Variants in RAPH1 observed in about 807,000 individuals in gnomAD.
RAPH1 encodes the protein Ras association (RalGDS/AF-6) and pleckstrin homology domains 1, also known as ras-associated and pleckstrin homology domains-containing protein 1.
In RAPH1, 18 loss-of-function variants were observed where a neutral mutation model predicts 88.1. The observed-to-expected ratio is 0.20, with a 90% CI of 0.14 to 0.30. The LOEUF is 0.30. RAPH1 is among the 10% of genes least tolerant of loss of function. The pLI is 1.00. For synonymous variants in RAPH1, 587 were observed against 559.0 expected, an observed-to-expected ratio of 1.05 and a Z score of -0.71; for missense variants, 1,448 against 1,543.2, an observed-to-expected ratio of 0.94 and a Z score of 1.03.
At chr2:203,492,876 T>G (rs1688333791) in intron 2 of RAPH1, among the ~76,000 whole-genome samples, 1 of 152,174 alleles carries the variant, frequency 6.6e-6, no homozygotes, top group Non-Finnish European at 1.5e-5. Flanking sequence ...CTATGAACCC[T>G]CTTCCAGAAA....
chr2:203,506,856 CTA>C (rs1231672342), intron 1 of RAPH1, among the ~76,000 whole-genome samples: 549 of 30,760 alleles, frequency 0.018, 26 homozygotes, highest in South Asian at 0.028. Flanking sequence ...CTATCTATAT[CTA>C]TATATATATA....
Position 203,475,130 on chromosome 2 carries a change from G to A in RAPH1, c.733-13205C>T, listed in dbSNP as rs952708307. 2.6e-5 allele frequency among the ~76,000 whole-genome samples: 4 copies of A among 152,050 alleles called. No individual in the cohort carries two copies. The South Asian group carries it at 6.2e-4, about 24-fold the overall frequency. On this transcript the variant is annotated intron_variant, in intron 4 of 13. Coordinates refer to ENST00000319170, the MANE Select transcript of RAPH1 (RefSeq NM_213589.3). ...CATCTTAAAGAAATAAAATATGGCC[G>A]GGCGCAGTGACTCATGCCTGTAATC... is the stretch of plus-strand genomic sequence containing the variant.
intron 1 of RAPH1, among the ~76,000 whole-genome samples, chr2:203,523,163 G>A (rs1208622587): frequency 6.6e-6 from 1 of 152,112 alleles, no homozygotes; most frequent in African/African-American, 2.4e-5. Flanking sequence ...GGAGGCCGAG[G>A]CGGGCGGATC....
At chr2:203,517,359 C>CAAAAAAAA (rs71408943) in intron 1 of RAPH1, among the ~76,000 whole-genome samples, 22 of 32,128 alleles carry the variant, frequency 6.8e-4, no homozygotes, top group Non-Finnish European at 1.0e-3. Flanking sequence ...CTATGAGAGG[C>CAAAAAAAA]AAAAAAAAAA....
At chr2:203,488,790 C>T (rs960096705) in intron 4 of RAPH1, among the ~76,000 whole-genome samples, 1 of 151,848 alleles carries the variant, frequency 6.6e-6, no homozygotes, top group Admixed American at 6.6e-5. Flanking sequence ...TGATTCCATA[C>T]CTGGTGGCCC....
chr2:203,441,839 G>A (rs2098504532), intron 13 of RAPH1: 2 of 1,329,120 alleles, frequency 1.5e-6, no homozygotes, highest in East Asian at 3.1e-5. Context: ...GTCCATGACT[G>A]CATCCACATC....
intron 1 of RAPH1, among the ~76,000 whole-genome samples, chr2:203,506,222 A>C (rs991367602): frequency 1.3e-5 from 2 of 152,182 alleles, no homozygotes; most frequent in Admixed American, 1.3e-4. Context: ...AAATAAACTC[A>C]AGGTTTCAAA....
intron 1 of RAPH1, among the ~76,000 whole-genome samples, chr2:203,525,573 A>G (rs1276831286): frequency 1.3e-5 from 2 of 152,084 alleles, no homozygotes; most frequent in Non-Finnish European, 2.9e-5. Flanking sequence ...ACATGCTGAC[A>G]GCCTGGCCAA....
At chr2:203,491,507 A>C (rs1688265944) in intron 2 of RAPH1, among the ~76,000 whole-genome samples, 188 bp from the exon 3 acceptor site, 1 of 152,296 alleles carries the variant, frequency 6.6e-6, no homozygotes, top group African/African-American at 2.4e-5. Context: ...TACTTATTTC[A>C]ATCTTTAGAT....
chr2:203,503,077 G>A (rs986740025), intron 1 of RAPH1, among the ~76,000 whole-genome samples: 2 of 152,184 alleles, frequency 1.3e-5, no homozygotes, highest in South Asian at 2.1e-4. Flanking sequence ...CCAGGAGGTA[G>A]AGGTTGCAGT....
chr2:203,436,088 ACT>A lies in RAPH1; in HGVS notation c.*3347_*3348del, dbSNP rs932711628. The A allele has an allele frequency of 6.6e-6, 1 of 152,130 alleles. No homozygotes were observed. The highest frequency in any genetic ancestry group is 2.4e-5 in the African/African-American group (1 of 41,428). 9.4% of individuals were successfully genotyped at this position (152,130 alleles called of 1,614,324 possible). A position where few individuals can be genotyped will look rare whatever the true frequency, so the allele number is the denominator to read the frequency against. ...CCCCCAATTTAAATTTTCTTGATAA[ACT>A]CAGCGTTGTTTGTTTTCAGTGACAA... On this transcript the variant is annotated 3_prime_UTR_variant, in exon 14 of 14. Coordinates refer to ENST00000319170, the MANE Select transcript of RAPH1 (RefSeq NM_213589.3).
chr2:203,506,866 A>ATATATATC, intron 1 of RAPH1, among the ~76,000 whole-genome samples: 1 of 90,680 alleles, frequency 1.1e-5, no homozygotes, highest in Middle Eastern at 6.8e-3. Flanking sequence ...CTATATATAT[A>ATATATATC]TATATATATA....
At chr2:203,473,375 G>A (rs1334147438) in intron 4 of RAPH1, among the ~76,000 whole-genome samples, 1 of 152,146 alleles carries the variant, frequency 6.6e-6, no homozygotes, top group East Asian at 1.9e-4. Context: ...CAGGGGTGGG[G>A]TGAAACTGGT....
At position 203,472,391 on chromosome 2, in the gene RAPH1, C is replaced by T. The variant is rs377402295; in HGVS notation, c.733-10466G>A. Among the ~76,000 whole-genome samples, 188 of 152,306 alleles carry T rather than the reference C, an allele frequency of 1.2e-3. 1 individual carries two copies. The highest frequency in any genetic ancestry group is 4.3e-3 in the African/African-American group (178 of 41,576). The stretch of plus-strand genomic sequence containing the variant: ...AGGTGATCCGCCCGCCTTGGCCTCC[C>T]AAAGTGCTGAGATTATAGGCGTGAG... On this transcript the variant is annotated intron_variant, in intron 4 of 13. Coordinates refer to ENST00000319170, the MANE Select transcript of RAPH1 (RefSeq NM_213589.3).
At chr2:203,449,068 T>A (rs557336149) in intron 10 of RAPH1, among the ~76,000 whole-genome samples, 4 of 152,208 alleles carry the variant, frequency 2.6e-5, no homozygotes, top group African/African-American at 9.6e-5. Context: ...CAAGTTAAAA[T>A]AGATCTTCAC....
At chr2:203,488,859 C>T (rs1688112706) in intron 4 of RAPH1, among the ~76,000 whole-genome samples, 1 of 152,182 alleles carries the variant, frequency 6.6e-6, no homozygotes, top group African/African-American at 2.4e-5. Flanking sequence ...CACAGTGGCT[C>T]ACGCCTGTAA....
At chr2:203,491,181 C>T in intron 3 of RAPH1, 33 bp downstream of exon 3, 1 of 1,435,048 alleles carries the variant, frequency 7.0e-7, no homozygotes, top group Non-Finnish European at 9.8e-7. Flanking sequence ...ACTTAGCATA[C>T]TATTTTACAT....
chr2:203,448,128 T>C lies in RAPH1; in HGVS notation c.1513-49A>G, dbSNP rs2153636515. 2.5e-6 allele frequency: 4 copies of C among 1,580,044 alleles called. No homozygotes were observed. The East Asian group carries it at 6.7e-5, about 27-fold the overall frequency. ...GACATCTAAACTTTACTGAGTATGA[T>C]ACAGAAGGATAAGGTGAAATGGGGG... On this transcript the variant is annotated intron_variant, in intron 11 of 13. Coordinates refer to ENST00000319170, the MANE Select transcript of RAPH1 (RefSeq NM_213589.3). The surrounding 1 kb of genome is among the most constrained non-coding windows in gnomAD (Gnocchi z 4.1).
intron 1 of RAPH1, among the ~76,000 whole-genome samples, chr2:203,511,518 T>C (rs534611324): frequency 6.6e-6 from 1 of 152,330 alleles, no homozygotes; most frequent in Non-Finnish European, 1.5e-5. Flanking sequence ...CAAATGACTA[T>C]TAGTAAGGGT....
Sources: gnomAD v4.1 joint callset for allele counts (sites outside exome capture counted in the v4.1 genomes callset) on GRCh38, gnomAD v4.1.1 for gene constraint, Gnocchi (gnomAD v3.1) non-coding constraint, MANE v1.5 for transcripts, NCBI Gene and HGNC (gene_info 2026-07-23, HGNC 2026-07-21) for gene names.